Variants in RICTOR observed in about 807,000 individuals in gnomAD.
RICTOR encodes rapamycin-insensitive companion of mTOR.
RICTOR carries 49 observed loss-of-function variants against 214.9 expected under a neutral mutation model. That is an observed-to-expected ratio of 0.23 (90% CI 0.18 to 0.29). The LOEUF (loss-of-function observed/expected upper bound fraction) is 0.29. Among genes scored for constraint, RICTOR ranks in the 10% least tolerant of loss-of-function variants. The pLI is 1.00. For synonymous variants in RICTOR, 717 were observed against 711.3 expected (o/e 1.01, Z -0.13); for missense variants, 1,625 against 2,047.0 (o/e 0.79, Z 3.98).
At chr5:39,036,594 T>A (rs888955143) in intron 2 of RICTOR, among the ~76,000 whole-genome samples, 3 of 151,972 alleles carry the variant, frequency 2.0e-5, no homozygotes, top group African/African-American at 4.8e-5. Flanking sequence ...GAGACACACA[T>A]AGGCTCAAAA....
chr5:38,994,314 CA>C (rs1162004633), intron 6 of RICTOR, among the ~76,000 whole-genome samples: 1 of 148,498 alleles, frequency 6.7e-6, no homozygotes, highest in African/African-American at 2.5e-5. Flanking sequence ...TGTGTATACA[CA>C]AATATTCCAA....
intron 2 of RICTOR, among the ~76,000 whole-genome samples, chr5:39,055,064 T>C (rs1272546305): frequency 9.2e-5 from 14 of 152,208 alleles, no homozygotes; most frequent in Admixed American, 2.0e-4. Context: ...TTTAATGGCA[T>C]GTGCTATGAA....
rs186747994 is a variant in RICTOR, at chr5:38,983,625, T to C, written c.584-1589A>G. On this transcript the variant is annotated intron_variant, in intron 7 of 37. Coordinates refer to ENST00000357387, the MANE Select transcript of RICTOR (RefSeq NM_152756.5). ...AATTATCTATGTATCTAGGCATATGTGTATCTGTGTACATGTACATAAAAT... is the reference window on the plus strand; with the variant it reads ...AATTATCTATGTATCTAGGCATATGCGTATCTGTGTACATGTACATAAAAT... 3.6e-4 allele frequency among the ~76,000 whole-genome samples: 55 copies of C among 152,346 alleles called. No individual in the cohort carries two copies. The East Asian group carries it at 8.1e-3, about 22-fold the overall frequency.
chr5:38,958,817 A>G lies in RICTOR; in HGVS notation c.2193T>C (p.Tyr731=), dbSNP rs775086471. 1 of 1,595,746 alleles carries G rather than the reference A, an allele frequency of 6.3e-7. No individual in the cohort carries two copies. Among genetic ancestry groups the G allele is most frequent in the Admixed American group, 1.7e-5 (1 of 57,168 alleles). The change falls in exon 23 of 38, where the codon TAT becomes TAC. Residue 731 remains tyrosine, a synonymous_variant. Coordinates refer to ENST00000357387, the MANE Select transcript of RICTOR (RefSeq NM_152756.5). ...LTAATDACRL[Y]ATKHLRVLLR... Reference sequence around the variant, plus strand: ...ATAATACCCTTAAATGTTTTGTTGCATAGAGTCTGCAGGCCTATAAGGATA... The same window carrying G: ...ATAATACCCTTAAATGTTTTGTTGCGTAGAGTCTGCAGGCCTATAAGGATA...
chr5:39,001,691 A>C (rs896623659), intron 5 of RICTOR, among the ~76,000 whole-genome samples: 1 of 152,080 alleles, frequency 6.6e-6, no homozygotes, highest in East Asian at 1.9e-4. Flanking sequence ...CTACATAACA[A>C]GAAAGATAAT....
Position 38,942,164 on chromosome 5 carries a change from C to A in RICTOR, c.*140G>T. On this transcript the variant is annotated 3_prime_UTR_variant, in exon 38 of 38. Coordinates refer to ENST00000357387, the MANE Select transcript of RICTOR (RefSeq NM_152756.5). ...AGGAAAGTCAGCAGTTCCAACTGTTCATGTACCAGTAACTGCGGAACAGTG... is the reference window on the plus strand; with the variant it reads ...AGGAAAGTCAGCAGTTCCAACTGTTAATGTACCAGTAACTGCGGAACAGTG... 1 of 466,408 alleles carries A rather than the reference C, an allele frequency of 2.1e-6. No homozygotes were observed. Among genetic ancestry groups the A allele is most frequent in the Non-Finnish European group, 3.9e-6 (1 of 255,266 alleles). 28.9% of individuals were successfully genotyped at this position (466,408 alleles called of 1,614,324 possible).
chr5:39,026,597 T>C lies in RICTOR; in HGVS notation c.98-5461A>G, dbSNP rs77811221. 6.4e-3 allele frequency among the ~76,000 whole-genome samples: 979 copies of C among 152,178 alleles called. 16 individuals carry two copies. Among genetic ancestry groups the C allele is most frequent in the African/African-American group, 0.023 (942 of 41,514 alleles). ...ATTCAATTGTAGAGCTGAATACAAT[T>C]GATTTCAACCATCTTTAATTTGATC... On this transcript the variant is annotated intron_variant, in intron 2 of 37. Transcript: ENST00000357387.
intron 2 of RICTOR, among the ~76,000 whole-genome samples, chr5:39,059,378 G>C (rs1395948237): frequency 6.6e-6 from 1 of 152,104 alleles, no homozygotes. Flanking sequence ...GTAGTGCCTG[G>C]AAGGAAACAG....
chr5:38,976,309 CTT>C (rs11356798), intron 9 of RICTOR, among the ~76,000 whole-genome samples: 132 of 151,368 alleles, frequency 8.7e-4, no homozygotes, highest in Non-Finnish European at 1.6e-3. Flanking sequence ...CCTGTGCCAC[CTT>C]TTTTTTTTAA....
chr5:39,037,017 C>T (rs1418924295), intron 2 of RICTOR, among the ~76,000 whole-genome samples: 3 of 152,124 alleles, frequency 2.0e-5, no homozygotes, highest in Admixed American at 6.5e-5. Flanking sequence ...AATATACATT[C>T]TTTTCAGCAC....
chr5:38,985,407 T>A (rs1437240584), intron 7 of RICTOR, among the ~76,000 whole-genome samples: 1 of 152,210 alleles, frequency 6.6e-6, no homozygotes. Flanking sequence ...TCCACAGATG[T>A]GGAAGCTGTG....
intron 24 of RICTOR, 132 bp downstream of exon 24, chr5:38,958,311 G>A: frequency 3.2e-6 from 2 of 634,358 alleles, no homozygotes; most frequent in South Asian, 2.2e-5. Context: ...CCAAAATAAT[G>A]AAAAGACAAT....
In RICTOR at chr5:39,074,169, C is replaced by G. The variant is rs1759543550; in HGVS notation, c.50-11G>C. 1 of 1,590,388 alleles carries G rather than the reference C, an allele frequency of 6.3e-7. No homozygotes were observed. Among genetic ancestry groups the G allele is most frequent in the Admixed American group, 1.7e-5 (1 of 57,542 alleles). On this transcript the variant is annotated splice_polypyrimidine_tract_variant and intron_variant, in intron 1 of 37. Coordinates refer to ENST00000357387, the MANE Select transcript of RICTOR (RefSeq NM_152756.5). ...CGCTGTCATTCCGCCCTGCGCGAAA[C>G]AGACACACAGCCCCAATTAGGATTG...
chr5:39,023,069 T>G (rs1310766102), intron 2 of RICTOR, among the ~76,000 whole-genome samples: 2 of 151,694 alleles, frequency 1.3e-5, no homozygotes, highest in African/African-American at 4.8e-5. Context: ...AGAGATAATC[T>G]TAAAAGTAGC....
chr5:39,041,020 T>C (rs1004790874), intron 2 of RICTOR, among the ~76,000 whole-genome samples: 1 of 152,090 alleles, frequency 6.6e-6, no homozygotes, highest in Non-Finnish European at 1.5e-5. Context: ...ATAAGACAAG[T>C]TGAGAATAGG....
chr5:38,949,948 T>C lies in RICTOR; in HGVS notation c.3900A>G (p.Ala1300=). 1 of 1,613,594 alleles carries C rather than the reference T, an allele frequency of 6.2e-7. No homozygotes were observed. Among genetic ancestry groups the C allele is most frequent in the Non-Finnish European group, 8.5e-7 (1 of 1,179,680 alleles). ...CAATAGAGGGTGCTTTAAGGGACTGTGCTCTTCTAGGAAGCGTATGAGAAG... is the reference window on the plus strand; with the variant it reads ...CAATAGAGGGTGCTTTAAGGGACTGCGCTCTTCTAGGAAGCGTATGAGAAG... The part of the protein sequence containing the change: ...PGSSHTLPRR[A]QSLKAPSIAT... Residue 1300 remains alanine, a synonymous_variant, in exon 31 of 38, where the codon GCA becomes GCG. Transcript: ENST00000357387.
At chr5:39,053,725 T>C (rs1211143947) in intron 2 of RICTOR, among the ~76,000 whole-genome samples, 1 of 151,160 alleles carries the variant, frequency 6.6e-6, no homozygotes, top group Non-Finnish European at 1.5e-5. Context: ...ACCCCGTCTC[T>C]ACTAAAAATA....
intron 19 of RICTOR, among the ~76,000 whole-genome samples, chr5:38,961,897 C>T (rs900709495): frequency 2.0e-5 from 3 of 151,904 alleles, no homozygotes; most frequent in Admixed American, 6.6e-5. Flanking sequence ...AACATTTGCA[C>T]GGGTTATGGA....
Position 38,991,060 on chromosome 5 carries a change from C to T in RICTOR, c.472G>A (p.Ala158Thr), listed in dbSNP as rs745983580. Residue 158 changes from alanine (A) to threonine (T), a missense_variant, in exon 7 of 38, where the codon GCT (alanine) becomes ACT (threonine). Physicochemically the swap from Ala to Thr is moderately conservative, Grantham distance 58 (BLOSUM62 0). Around this residue, in one of 5 missense-constraint regions of RICTOR, gnomAD observed 258 missense variants for 393.7 expected, o/e 0.66. Transcript: ENST00000357387. Reference sequence around the variant, plus strand: ...GTCACAGAACTAGGAAACAAGGAAGCATTCACAGTAATCATCTGTAACAGA... The same window carrying T: ...GTCACAGAACTAGGAAACAAGGAAGTATTCACAGTAATCATCTGTAACAGA... Reference protein sequence around the residue: ...RLVRKMITVNASLFPSSVTNS... With the variant: ...RLVRKMITVNTSLFPSSVTNS... 5 of 1,591,976 alleles carry T rather than the reference C, an allele frequency of 3.1e-6. No homozygotes were observed. Among genetic ancestry groups the T allele is most frequent in the Non-Finnish European group, 4.3e-6 (5 of 1,167,132 alleles).
Sources: allele counts gnomAD v4.1 joint callset (sites outside exome capture counted in the v4.1 genomes callset), GRCh38; gene constraint gnomAD v4.1.1; regional missense constraint gnomAD v4.1.1; transcripts MANE v1.5; gene names NCBI Gene and HGNC (gene_info 2026-07-23, HGNC 2026-07-21).